The following THSD7A variants were observed in gnomAD, a reference collection of about 807,000 sequenced individuals.
THSD7A encodes thrombospondin type 1 domain containing 7A.
THSD7A carries 96 observed loss-of-function variants against 231.3 expected under a neutral mutation model. The observed-to-expected ratio is 0.41, with a 90% confidence interval of 0.35 to 0.49. The LOEUF is 0.49. THSD7A is among the 20% of genes least tolerant of loss of function. The pLI, the probability that THSD7A is intolerant of heterozygous loss-of-function variation, is 0.05. For synonymous variants in THSD7A, 940 were observed against 743.3 expected (o/e 1.26, Z -4.30); for missense variants, 2,290 against 2,070.2 (o/e 1.11, Z -2.06).
At chr7:11,491,617 T>C (rs1014946434) in intron 6 of THSD7A, among the ~76,000 whole-genome samples, 1 of 152,128 alleles carries the variant, frequency 6.6e-6, no homozygotes, top group East Asian at 1.9e-4. Flanking sequence ...CTAAATAAGA[T>C]AAATTATATA....
At chr7:11,548,522 A>G (rs1263013562) in intron 4 of THSD7A, among the ~76,000 whole-genome samples, 10 of 152,106 alleles carry the variant, frequency 6.6e-5, no homozygotes, top group Admixed American at 6.5e-4. Context: ...GGCTAGCATC[A>G]TTCCGATACC....
intron 1 of THSD7A, among the ~76,000 whole-genome samples, chr7:11,765,128 G>GA (rs1281403419): frequency 4.6e-5 from 7 of 151,988 alleles, no homozygotes; most frequent in Non-Finnish European, 1.0e-4. Context: ...ACTGATACTG[G>GA]AAAATGTGTA....
chr7:11,738,035 A>ATATCTATCTATC lies in THSD7A; in HGVS notation c.190+93710_190+93721dup, dbSNP rs150186669. 2.4e-3 allele frequency among the ~76,000 whole-genome samples: 371 copies of ATATCTATCTATC among 151,686 alleles called. 1 individual carries two copies. The highest frequency in any genetic ancestry group is 3.8e-3 in the Admixed American group (58 of 15,222). On this transcript the variant is annotated intron_variant, in intron 1 of 27. Transcript: ENST00000423059. ...TTTCATTTATGGTATTTATATATCT[A>ATATCTATCTATC]TATCTATCTATCTAATAGTTTAATT... is the stretch of plus-strand genomic sequence containing the variant.
intron 6 of THSD7A, among the ~76,000 whole-genome samples, chr7:11,532,035 G>T (rs990931182): frequency 6.6e-6 from 1 of 152,100 alleles, no homozygotes; most frequent in African/African-American, 2.4e-5. Context: ...CAAGAGTTCA[G>T]AACCTAGGCA....
At chr7:11,431,652 T>C (rs1784481723) in intron 13 of THSD7A, among the ~76,000 whole-genome samples, 1 of 152,158 alleles carries the variant, frequency 6.6e-6, no homozygotes, top group Admixed American at 6.6e-5. Flanking sequence ...GTTTTTCCTT[T>C]TAAAGATAGG....
intron 1 of THSD7A, among the ~76,000 whole-genome samples, chr7:11,766,254 C>T (rs1445148952): frequency 2.0e-5 from 3 of 152,144 alleles, no homozygotes; most frequent in Admixed American, 2.0e-4. Flanking sequence ...AGTCACTTAA[C>T]AAGAAGAAAG....
chr7:11,496,444 C>T (rs897467201), intron 6 of THSD7A, among the ~76,000 whole-genome samples: 5 of 152,108 alleles, frequency 3.3e-5, no homozygotes, highest in Admixed American at 2.0e-4. Flanking sequence ...ATGGAAAACA[C>T]TTGCCCAAGG....
At chr7:11,560,776 A>G (rs1562719506) in intron 4 of THSD7A, among the ~76,000 whole-genome samples, 1 of 148,974 alleles carries the variant, frequency 6.7e-6, no homozygotes, top group African/African-American at 2.4e-5. Context: ...AACTTGCTCA[A>G]CTACGGGTGT....
At chr7:11,382,745 T>C (rs185612686) in intron 23 of THSD7A, 129 bp from the exon 24 acceptor site, 1 of 787,030 alleles carries the variant, frequency 1.3e-6, no homozygotes, top group East Asian at 2.7e-5. Flanking sequence ...TGTCAATTTA[T>C]TGTCCTGAAG....
rs774611290 is a variant in THSD7A, at chr7:11,636,923, C to T, written c.229G>A (p.Gly77Arg). 31 of 1,612,332 alleles carry T rather than the reference C, an allele frequency of 1.9e-5. No homozygotes were observed. In the Middle Eastern group the frequency reaches 4.9e-4, roughly 26 times the overall value. ...CACACAGCCCTCGTTTGGATGCCTCCGGGACCACATTCATCTCCCATACAT... is the reference window on the plus strand; with the variant it reads ...CACACAGCCCTCGTTTGGATGCCTCTGGGACCACATTCATCTCCCATACAT... Reference protein sequence around the residue: ...GRCMGDECGPGGIQTRAVWCA... With the variant: ...GRCMGDECGPRGIQTRAVWCA... The change falls in exon 2 of 28, where the codon GGA becomes AGA. Residue 77 changes from glycine to arginine, a missense_variant. Coordinates refer to ENST00000423059, the MANE Select transcript of THSD7A (RefSeq NM_015204.3). The surrounding 1 kb of genome is among the most constrained non-coding windows in gnomAD (Gnocchi z 10.0).
At chr7:11,651,823 T>C (rs556558943) in intron 1 of THSD7A, among the ~76,000 whole-genome samples, 3 of 152,136 alleles carry the variant, frequency 2.0e-5, no homozygotes, top group African/African-American at 7.2e-5. Flanking sequence ...GTGGCTAGTA[T>C]ATTAAATTGG....
intron 1 of THSD7A, among the ~76,000 whole-genome samples, chr7:11,710,210 G>A (rs1174273661): frequency 6.7e-6 from 1 of 150,316 alleles, no homozygotes; most frequent in Non-Finnish European, 1.5e-5. Context: ...GGTGCTTGTG[G>A]GCCAGGGAAA....
At chr7:11,531,525 C>A (rs1032614364) in intron 6 of THSD7A, among the ~76,000 whole-genome samples, 2 of 152,180 alleles carry the variant, frequency 1.3e-5, no homozygotes, top group African/African-American at 4.8e-5. Context: ...CTCAAATAGT[C>A]CAAGCATTTT....
intron 23 of THSD7A, among the ~76,000 whole-genome samples, chr7:11,399,002 G>A (rs2115350750): frequency 6.6e-6 from 1 of 152,278 alleles, no homozygotes; most frequent in South Asian, 2.1e-4. Context: ...AATGGGACTA[G>A]GCCGCCTTCT....
chr7:11,512,158 T>C (rs1005731384), intron 6 of THSD7A, among the ~76,000 whole-genome samples: 15 of 152,132 alleles, frequency 9.9e-5, no homozygotes, highest in Non-Finnish European at 1.5e-4. Context: ...AGAAGACATT[T>C]ATGTAGCCAA....
intron 1 of THSD7A, among the ~76,000 whole-genome samples, chr7:11,706,188 C>CAATTACAA (rs1780758454): frequency 6.6e-6 from 1 of 150,946 alleles, no homozygotes; most frequent in Non-Finnish European, 1.5e-5. Flanking sequence ...TGTGCTGCTA[C>CAATTACAA]AAAGGCACCA....
intron 4 of THSD7A, among the ~76,000 whole-genome samples, chr7:11,562,020 G>C (rs1439938137): frequency 6.6e-6 from 1 of 152,114 alleles, no homozygotes; most frequent in Non-Finnish European, 1.5e-5. Flanking sequence ...CCAACTCCTG[G>C]AAGTCTAGTA....
intron 1 of THSD7A, among the ~76,000 whole-genome samples, chr7:11,792,015 G>A (rs1049406193): frequency 6.6e-6 from 1 of 151,840 alleles, no homozygotes; most frequent in African/African-American, 2.4e-5. Flanking sequence ...CCTAAACTGT[G>A]AACTATGATT....
chr7:11,590,647 T>G lies in THSD7A; in HGVS notation c.1272-6A>C, dbSNP rs745332928. ...CTGTAGTTCTCCAGCCATACCTAAA[T>G]AAAGACAACACCACCAGCAGCAACC... is the stretch of plus-strand genomic sequence containing the variant. On this transcript the variant is annotated splice_polypyrimidine_tract_variant and splice_region_variant and intron_variant, in intron 3 of 27. Transcript: ENST00000423059. The surrounding 1 kb of genome is among the most constrained non-coding windows in gnomAD (Gnocchi z 4.4). The G allele has an allele frequency of 1.1e-5, 18 of 1,595,868 alleles. No homozygotes were observed. The highest frequency in any genetic ancestry group is 1.5e-5 in the Non-Finnish European group (18 of 1,170,860).
Sources: gnomAD v4.1 joint callset for allele counts (sites outside exome capture counted in the v4.1 genomes callset) on GRCh38, gnomAD v4.1.1 for gene constraint, Gnocchi (gnomAD v3.1) non-coding constraint, MANE v1.5 for transcripts, NCBI Gene and HGNC (gene_info 2026-07-23, HGNC 2026-07-21) for gene names.